The following LRRC9 variants were observed in gnomAD, a reference collection of about 807,000 sequenced individuals.
LRRC9 encodes leucine rich repeat containing 9.
In LRRC9, 122 loss-of-function variants were observed where a neutral mutation model predicts 63.2. That is an observed-to-expected ratio of 1.93 (90% CI 1.67 to 2.24). The LOEUF is 2.24. Ranked by LOEUF, LRRC9 falls within the 30% of genes most tolerant of loss-of-function variation. LRRC9 has a pLI of 0.00. For missense variants in LRRC9, 1,071 were observed against 627.7 expected, an observed-to-expected ratio of 1.71 and a Z score of -7.55; for synonymous variants, 366 against 213.1, an observed-to-expected ratio of 1.72 and a Z score of -6.25.
chr14:59,954,648 T>A, intron 8 of LRRC9, among the ~76,000 whole-genome samples: 1 of 152,240 alleles, frequency 6.6e-6, no homozygotes, highest in East Asian at 1.9e-4. Flanking sequence ...GAATACACTT[T>A]ATTTTTTTCT....
At chr14:60,064,621 T>C (rs1894837431), downstream of LRRC9, among the ~76,000 whole-genome samples, 1 of 152,216 alleles carries the variant, frequency 6.6e-6, no homozygotes. Flanking sequence ...TTTAAACAAC[T>C]ATTACATTTA....
Position 60,019,775 on chromosome 14 carries a change from T to C in LRRC9, c.3566+515T>C, listed in dbSNP as rs1241305362. ...ACTTAATGACTCAGCACCAATGGAA[T>C]AGATACTTTATGCAAAAAATGACAA... On this transcript the variant is annotated intron_variant, in intron 26 of 31. Transcript: ENST00000445360. 3.3e-5 allele frequency among the ~76,000 whole-genome samples: 5 copies of C among 151,738 alleles called. No homozygotes were observed. In the South Asian group the frequency reaches 6.2e-4, roughly 19 times the overall value.
intron 7 of LRRC9, among the ~76,000 whole-genome samples, chr14:59,941,678 T>C (rs1566793621): frequency 1.3e-5 from 2 of 152,152 alleles, no homozygotes; most frequent in Non-Finnish European, 2.9e-5. Context: ...TTATTTACAG[T>C]TGATGCACAA....
chr14:59,927,795 A>G lies in LRRC9; in HGVS notation c.-33-116A>G. On this transcript the variant is annotated intron_variant, in intron 1 of 31. Coordinates refer to ENST00000445360, the Ensembl canonical transcript of LRRC9. The surrounding 1 kb of genome is among the most constrained non-coding windows in gnomAD (Gnocchi z 4.4). ...TTATACAGATACTTGGTAATATACTATGTGAAGATTTCAAACTACAGTTGG... is the reference window on the plus strand; with the variant it reads ...TTATACAGATACTTGGTAATATACTGTGTGAAGATTTCAAACTACAGTTGG... 2.1e-6 allele frequency: 1 copy of G among 485,118 alleles called. No homozygotes were observed. The highest frequency in any genetic ancestry group is 3.6e-6 in the Non-Finnish European group (1 of 275,888). 30.1% of individuals were successfully genotyped at this position (485,118 alleles called of 1,614,324 possible).
Position 59,930,939 on chromosome 14 carries a change from T to G in LRRC9, c.289T>G (p.Cys97Gly), listed in dbSNP as rs1889649562. 2.3e-6 allele frequency: 1 copy of G among 443,074 alleles called. No individual in the cohort carries two copies. Among genetic ancestry groups the G allele is most frequent in the Non-Finnish European group, 4.1e-6 (1 of 246,314 alleles). 27.4% of individuals were successfully genotyped at this position (443,074 alleles called of 1,614,324 possible). The change falls in exon 4 of 32, where the codon TGT becomes GGT. Residue 97 changes from cysteine to glycine, a missense_variant. Coordinates refer to ENST00000445360, the Ensembl canonical transcript of LRRC9. This position sits in a 1 kb window ranked among gnomAD's most constrained non-coding sequence, Gnocchi z 4.9. The stretch of plus-strand genomic sequence containing the variant: ...ACAGAAAATTGAAGGTCTTCAAGAA[T>G]GTAGAAATTTGGAAAAACTATATTT...
chr14:60,047,854 C>G (rs79862833), intron 29 of LRRC9, among the ~76,000 whole-genome samples: 1 of 152,156 alleles, frequency 6.6e-6, no homozygotes, highest in Non-Finnish European at 1.5e-5. Context: ...TTCTCATTGC[C>G]TCATGGCACT....
intron 6 of LRRC9, among the ~76,000 whole-genome samples, chr14:59,935,288 G>A (rs1360307246): frequency 8.1e-6 from 1 of 122,866 alleles, no homozygotes. Context: ...AGTGAGACTA[G>A]GTCTCAAAAA....
At chr14:60,032,107 G>GT (rs1892036508) in intron 29 of LRRC9, 44 bp downstream of exon 29, 1 of 666,890 alleles carries the variant, frequency 1.5e-6, no homozygotes, top group Non-Finnish European at 2.7e-6. Context: ...TTTACTGGTA[G>GT]TTTTATAAAA....
At position 60,053,720 on chromosome 14, in the gene LRRC9, C is replaced by T. The variant is rs1021642972; in HGVS notation, c.4131+515C>T. ...ATAATTGGGCTTTTTACTCAGGAGC[C>T]CTAAAATGTATCTGATCATGGTAGG... On this transcript the variant is annotated intron_variant, in intron 30 of 31. Coordinates refer to ENST00000445360, the Ensembl canonical transcript of LRRC9. The surrounding 1 kb of genome is among the most constrained non-coding windows in gnomAD (Gnocchi z 4.8). 6.6e-6 allele frequency among the ~76,000 whole-genome samples: 1 copy of T among 151,892 alleles called. No individual in the cohort carries two copies. Among genetic ancestry groups the T allele is most frequent in the African/African-American group, 2.4e-5 (1 of 41,322 alleles).
chr14:60,009,496 A>G (rs1372480980), intron 23 of LRRC9, among the ~76,000 whole-genome samples: 4 of 152,214 alleles, frequency 2.6e-5, no homozygotes, highest in Non-Finnish European at 5.9e-5. Flanking sequence ...ATTACCTGCC[A>G]CTGGGTCCCT....
At position 60,051,125 on chromosome 14, in the gene LRRC9, GGGACTCTTCCTAGTCC is replaced by G. The variant is rs377403707; in HGVS notation, c.3991-1935_3991-1920del. Among the ~76,000 whole-genome samples the G allele has an allele frequency of 3.7e-3, 570 of 152,324 alleles. 2 individuals carry two copies. Among genetic ancestry groups the G allele is most frequent in the African/African-American group, 0.013 (527 of 41,568 alleles). ...TAGAGCCAGTGTGCTCCATTGGTGA[GGGACTCTTCCTAGTCC>G]GGACCTCCTGGACTCTCCAGAGCCA... On this transcript the variant is annotated intron_variant, in intron 29 of 31. Coordinates refer to ENST00000445360, the Ensembl canonical transcript of LRRC9. This position sits in a 1 kb window ranked among gnomAD's most constrained non-coding sequence, Gnocchi z 4.7.
intron 31 of LRRC9, among the ~76,000 whole-genome samples, chr14:60,062,930 T>C (rs773105701): frequency 2.0e-5 from 3 of 152,030 alleles, no homozygotes; most frequent in Admixed American, 6.6e-5. Flanking sequence ...TCACTCTTGT[T>C]GCCCAGGTTA....
intron 29 of LRRC9, among the ~76,000 whole-genome samples, chr14:60,035,245 A>G (rs959816297): frequency 6.6e-6 from 1 of 152,076 alleles, no homozygotes; most frequent in Non-Finnish European, 1.5e-5. Flanking sequence ...TGTTCTGATT[A>G]CTAATCCCTT....
chr14:59,998,275 A>G (rs1889006848), intron 18 of LRRC9, among the ~76,000 whole-genome samples: 2 of 152,004 alleles, frequency 1.3e-5, no homozygotes, highest in African/African-American at 2.4e-5. Context: ...TGGTTGAACA[A>G]CATGTTTTAC....
intron 26 of LRRC9, among the ~76,000 whole-genome samples, chr14:60,020,338 GTTAT>G (rs1595043359): frequency 6.6e-6 from 1 of 151,774 alleles, no homozygotes; most frequent in East Asian, 1.9e-4. Flanking sequence ...TATATGACAA[GTTAT>G]TTATGCATTT....
chr14:60,062,065 C>G, intron 31 of LRRC9: 1 of 398,716 alleles, frequency 2.5e-6, no homozygotes, highest in Non-Finnish European at 4.4e-6. Flanking sequence ...AGCATCCATG[C>G]AGAAATAGCT....
chr14:60,012,804 T>C (rs1323113357), intron 23 of LRRC9, among the ~76,000 whole-genome samples: 1 of 152,208 alleles, frequency 6.6e-6, no homozygotes, highest in Non-Finnish European at 1.5e-5. Context: ...AGGAAAACTG[T>C]AGAAAACATT....
chr14:60,011,725 G>C (rs755091820), intron 23 of LRRC9, among the ~76,000 whole-genome samples: 3 of 152,190 alleles, frequency 2.0e-5, no homozygotes, highest in African/African-American at 7.2e-5. Context: ...GAATGCATTG[G>C]ATTTGAAGGG....
rs566787287 is a variant in LRRC9, at chr14:60,014,894, T to C, written c.3187-1766T>C. On this transcript the variant is annotated intron_variant, in intron 23 of 31. Coordinates refer to ENST00000445360, the Ensembl canonical transcript of LRRC9. The stretch of plus-strand genomic sequence containing the variant: ...TCTTCTTTTTCTATGAATCCAGTGA[T>C]ACTAATATTAAATCTTTTTTATGGT... 2.0e-5 allele frequency among the ~76,000 whole-genome samples: 3 copies of C among 152,230 alleles called. No individual in the cohort carries two copies. In the South Asian group the frequency reaches 6.2e-4, roughly 32 times the overall value.
Sources: gnomAD v4.1 joint callset for allele counts (sites outside exome capture counted in the v4.1 genomes callset) on GRCh38, gnomAD v4.1.1 for gene constraint, Gnocchi (gnomAD v3.1) non-coding constraint, MANE v1.5 for transcripts, NCBI Gene and HGNC (gene_info 2026-07-23, HGNC 2026-07-21) for gene names.